KIAA0825: variants seen among roughly 807,000 people sequenced by gnomAD.
KIAA0825 encodes the protein uncharacterized protein KIAA0825.
A neutral mutation model predicts 147.6 loss-of-function variants in KIAA0825; 119 were observed. The observed-to-expected ratio is 0.81, with a 90% CI of 0.69 to 0.94. The LOEUF is 0.94. Among genes scored for constraint, KIAA0825 ranks in the 40% least tolerant of loss-of-function variants. The pLI is 0.00. For synonymous variants in KIAA0825, 470 were observed against 518.1 expected (o/e 0.91, Z 1.26); for missense variants, 1,381 against 1,472.7 (o/e 0.94, Z 1.02).
intron 20 of KIAA0825, among the ~76,000 whole-genome samples, chr5:94,309,242 C>G (rs564003790): frequency 2.0e-5 from 3 of 151,308 alleles, no homozygotes; most frequent in African/African-American, 7.3e-5. Context: ...TCATTTTAGC[C>G]GAGGAGATAA....
In KIAA0825 at chr5:94,582,524, A is replaced by C. The variant is rs1291429402; in HGVS notation, c.-93T>G. 6.6e-6 allele frequency: 1 copy of C among 152,166 alleles called. No homozygotes were observed. Among genetic ancestry groups the C allele is most frequent in the Non-Finnish European group, 1.5e-5 (1 of 68,032 alleles). The allele number at this position is 152,166 out of a possible 1,614,324, so 9.4% of individuals were successfully genotyped here. On this transcript the variant is annotated 5_prime_UTR_variant, in exon 2 of 21. Transcript: ENST00000682413. ...TTCCTGAAGAGTTGTCAGCAGAAGA[A>C]CTGTCTCTTTTCTAGTAACTTCAGC... is the stretch of plus-strand genomic sequence containing the variant.
chr5:94,262,229 A>G (rs1342299524), intron 20 of KIAA0825, among the ~76,000 whole-genome samples: 1 of 152,102 alleles, frequency 6.6e-6, no homozygotes, highest in Non-Finnish European at 1.5e-5. Flanking sequence ...GGAAATACAA[A>G]TTAAAATTAG....
intron 13 of KIAA0825, among the ~76,000 whole-genome samples, chr5:94,442,332 T>C (rs1757185286): frequency 6.6e-6 from 1 of 152,120 alleles, no homozygotes; most frequent in Non-Finnish European, 1.5e-5. Context: ...ATAACATATC[T>C]CAAATTGGAG....
intron 15 of KIAA0825, among the ~76,000 whole-genome samples, chr5:94,412,513 G>A (rs1483292870): frequency 6.6e-6 from 1 of 151,990 alleles, no homozygotes; most frequent in African/African-American, 2.4e-5. Context: ...TGCTTCTCAT[G>A]CCTCAGGCTC....
intron 2 of KIAA0825, among the ~76,000 whole-genome samples, chr5:94,542,166 G>A (rs1322574071): frequency 1.3e-5 from 2 of 152,138 alleles, no homozygotes; most frequent in Non-Finnish European, 2.9e-5. Flanking sequence ...TAACTTTGGA[G>A]ACTGTGACAT....
At chr5:94,522,084 T>C (rs1690201517) in intron 4 of KIAA0825, among the ~76,000 whole-genome samples, 1 of 151,798 alleles carries the variant, frequency 6.6e-6, no homozygotes, top group African/African-American at 2.4e-5. Context: ...ATTTCCTGGT[T>C]TATTCATAAT....
chr5:94,432,126 A>T (rs1755754710), intron 14 of KIAA0825, among the ~76,000 whole-genome samples: 1 of 152,250 alleles, frequency 6.6e-6, no homozygotes, highest in Non-Finnish European at 1.5e-5. Context: ...ACAATATGTT[A>T]CGAGGACAAG....
At chr5:94,460,473 A>G (rs1759678720) in intron 12 of KIAA0825, among the ~76,000 whole-genome samples, 1 of 152,134 alleles carries the variant, frequency 6.6e-6, no homozygotes. Context: ...CGTCAGAACT[A>G]CTTGAAATAA....
intron 20 of KIAA0825, among the ~76,000 whole-genome samples, chr5:94,317,994 T>G (rs1015171032): frequency 2.0e-5 from 3 of 151,832 alleles, no homozygotes; most frequent in Admixed American, 6.6e-5. Flanking sequence ...ATATTTAACT[T>G]AAAAAAACAA....
At chr5:94,606,327 T>C (rs755941009) in intron 1 of KIAA0825, among the ~76,000 whole-genome samples, 2 of 152,198 alleles carry the variant, frequency 1.3e-5, no homozygotes, top group Non-Finnish European at 2.9e-5. Flanking sequence ...ATGGCTACAT[T>C]GCCCAAAGTA....
chr5:94,461,765 T>C (rs754891304), intron 12 of KIAA0825, among the ~76,000 whole-genome samples: 3 of 151,978 alleles, frequency 2.0e-5, no homozygotes, highest in Non-Finnish European at 3.0e-5. Flanking sequence ...ATACAATTAT[T>C]TAGTTAAAAA....
intron 20 of KIAA0825, among the ~76,000 whole-genome samples, chr5:94,263,946 C>A (rs769661987): frequency 2.1e-4 from 32 of 152,094 alleles, no homozygotes; most frequent in Non-Finnish European, 7.4e-5. Flanking sequence ...TTTGAGGTTA[C>A]CAGTCTTAAC....
intron 15 of KIAA0825, among the ~76,000 whole-genome samples, chr5:94,406,205 G>T (rs377362122): frequency 6.6e-6 from 1 of 152,114 alleles, no homozygotes; most frequent in Non-Finnish European, 1.5e-5. Context: ...GATTACAGGC[G>T]TGAGCCACTG....
intron 20 of KIAA0825, among the ~76,000 whole-genome samples, chr5:94,330,371 T>G (rs1455624314): frequency 4.6e-5 from 7 of 152,164 alleles, no homozygotes; most frequent in Non-Finnish European, 1.5e-5. Context: ...ATACAAAATA[T>G]GTAACCTGAT....
chr5:94,412,547 C>T (rs1024954394), intron 15 of KIAA0825, among the ~76,000 whole-genome samples: 1 of 151,882 alleles, frequency 6.6e-6, no homozygotes, highest in Admixed American at 6.6e-5. Flanking sequence ...ATTACAGGCA[C>T]GCGCCACCAC....
chr5:94,605,669 T>C (rs1270800506), intron 1 of KIAA0825, among the ~76,000 whole-genome samples: 1 of 152,206 alleles, frequency 6.6e-6, no homozygotes, highest in Non-Finnish European at 1.5e-5. Context: ...AAAAACCACA[T>C]GATTATCTCA....
At chr5:94,519,931 A>AG in intron 5 of KIAA0825, 1 of 797,872 alleles carries the variant, frequency 1.3e-6, no homozygotes, top group Non-Finnish European at 1.5e-6. Flanking sequence ...ATATATACTC[A>AG]TTTATATATA....
intron 20 of KIAA0825, among the ~76,000 whole-genome samples, chr5:94,310,992 G>T (rs1375716512): frequency 1.3e-5 from 2 of 151,620 alleles, no homozygotes; most frequent in Non-Finnish European, 3.0e-5. Flanking sequence ...GAAAACTGTA[G>T]TGTGCATTAA....
chr5:94,275,636 G>T (rs546088690), intron 20 of KIAA0825, among the ~76,000 whole-genome samples: 95 of 152,176 alleles, frequency 6.2e-4, no homozygotes, highest in Middle Eastern at 3.4e-3. Flanking sequence ...ACATGTTAAT[G>T]GGTAATAGAC....
Sources: allele counts gnomAD v4.1 joint callset (sites outside exome capture counted in the v4.1 genomes callset), GRCh38; gene constraint gnomAD v4.1.1; transcripts MANE v1.5; gene names NCBI Gene and HGNC (gene_info 2026-07-23, HGNC 2026-07-21).